The following SHISA6 variants were observed in gnomAD, a reference collection of about 807,000 sequenced individuals.
SHISA6 encodes shisa family member 6.
Under a neutral mutation model 47.9 loss-of-function variants are expected in SHISA6, and 22 were observed. The ratio of observed to expected loss-of-function variants is 0.46; its 90% CI spans 0.33 to 0.66. The LOEUF is 0.66. Among genes scored for constraint, SHISA6 ranks in the 30% least tolerant of loss-of-function variants. The pLI, the probability that SHISA6 is intolerant of heterozygous loss-of-function variation, is 0.02. For synonymous variants in SHISA6, 388 were observed against 337.8 expected, an observed-to-expected ratio of 1.15 and a Z score of -1.63; for missense variants, 680 against 764.6, an observed-to-expected ratio of 0.89 and a Z score of 1.30.
intron 2 of SHISA6, among the ~76,000 whole-genome samples, chr17:11,339,434 T>C (rs201002362): frequency 8.1e-4 from 117 of 144,474 alleles, no homozygotes; most frequent in Non-Finnish European, 1.4e-3. Context: ...ACACCCCCCC[T>C]CCTTTTTGGT....
intron 2 of SHISA6, among the ~76,000 whole-genome samples, chr17:11,319,425 C>G (rs1910638588): frequency 6.6e-6 from 1 of 152,154 alleles, no homozygotes; most frequent in Non-Finnish European, 1.5e-5. Context: ...GTGTAATAGT[C>G]TCTCAAAGGT....
chr17:11,291,153 G>A (rs1177258468), intron 2 of SHISA6, among the ~76,000 whole-genome samples: 3 of 152,026 alleles, frequency 2.0e-5, no homozygotes, highest in African/African-American at 7.3e-5. Context: ...CTGCCCTTAG[G>A]GAGTGAGAGT....
At chr17:11,492,917 T>A (rs2071376778) in intron 3 of SHISA6, among the ~76,000 whole-genome samples, 1 of 152,200 alleles carries the variant, frequency 6.6e-6, no homozygotes, top group South Asian at 2.1e-4. Context: ...CCCTCCCCTG[T>A]CCCACAGTCT....
intron 3 of SHISA6, among the ~76,000 whole-genome samples, chr17:11,512,046 T>C (rs1266428587): frequency 6.6e-6 from 1 of 152,244 alleles, no homozygotes; most frequent in Non-Finnish European, 1.5e-5. Flanking sequence ...CTTTGGTAAA[T>C]GAATTGGATT....
chr17:11,526,717 T>C (rs1192406793), intron 3 of SHISA6, among the ~76,000 whole-genome samples: 1 of 152,068 alleles, frequency 6.6e-6, no homozygotes, highest in Non-Finnish European at 1.5e-5. Context: ...AGCATTTTGC[T>C]GAAGCATTTT....
In SHISA6 at chr17:11,464,680, C is replaced by T. The variant is rs189328326; in HGVS notation, c.895+85171C>T. Among the ~76,000 whole-genome samples, 229 of 152,326 alleles carry T rather than the reference C, an allele frequency of 1.5e-3. 1 individual carries two copies. Among genetic ancestry groups the T allele is most frequent in the African/African-American group, 5.3e-3 (219 of 41,582 alleles). ...ATCCCTGGCCGGGCACGGTGGCTCA[C>T]GCCTGTAATCCCAGCACTTTGGGAG... On this transcript the variant is annotated intron_variant, in intron 3 of 5. Transcript: ENST00000441885.
intron 3 of SHISA6, among the ~76,000 whole-genome samples, chr17:11,481,319 C>G (rs1433607751): frequency 7.1e-6 from 1 of 140,860 alleles, no homozygotes; most frequent in Non-Finnish European, 1.5e-5. Context: ...AGCGAGACAC[C>G]CTCTCAAAAA....
chr17:11,512,534 T>C (rs956803663), intron 3 of SHISA6, among the ~76,000 whole-genome samples: 3 of 152,216 alleles, frequency 2.0e-5, no homozygotes, highest in Admixed American at 6.5e-5. Context: ...GTATTTCAAA[T>C]TGAATTTTTT....
chr17:11,384,796 T>A (rs191446229), intron 3 of SHISA6, among the ~76,000 whole-genome samples: 14 of 152,222 alleles, frequency 9.2e-5, no homozygotes, highest in African/African-American at 2.6e-4. Flanking sequence ...TCTGCCATGC[T>A]GGGAGCCAGA....
chr17:11,469,315 C>T (rs1403507957), intron 3 of SHISA6, among the ~76,000 whole-genome samples: 3 of 152,028 alleles, frequency 2.0e-5, no homozygotes, highest in Admixed American at 6.6e-5. Context: ...TTGGAAGATG[C>T]CTGAAGATGG....
intron 3 of SHISA6, among the ~76,000 whole-genome samples, chr17:11,528,848 T>C (rs1385410557): frequency 1.3e-5 from 2 of 152,184 alleles, no homozygotes; most frequent in Non-Finnish European, 2.9e-5. Flanking sequence ...TATTTTGAGA[T>C]GCTTTTCCAG....
At chr17:11,368,623 T>G (rs1912530024) in intron 2 of SHISA6, among the ~76,000 whole-genome samples, 1 of 152,092 alleles carries the variant, frequency 6.6e-6, no homozygotes, top group Non-Finnish European at 1.5e-5. Flanking sequence ...TTATATGAAT[T>G]GTTGGGGTTT....
chr17:11,364,218 G>GA (rs1912374797), intron 2 of SHISA6, among the ~76,000 whole-genome samples: 1 of 151,824 alleles, frequency 6.6e-6, no homozygotes, highest in African/African-American at 2.4e-5. Flanking sequence ...CCAGCACCTA[G>GA]AAAAAAAATA....
At chr17:11,426,641 T>C (rs1260945269) in intron 3 of SHISA6, among the ~76,000 whole-genome samples, 1 of 152,244 alleles carries the variant, frequency 6.6e-6, no homozygotes, top group African/African-American at 2.4e-5. Context: ...TATTTATTTT[T>C]GAACCACTCT....
intron 1 of SHISA6, among the ~76,000 whole-genome samples, chr17:11,259,579 A>G (rs1418997535): frequency 6.6e-6 from 1 of 152,238 alleles, no homozygotes; most frequent in East Asian, 1.9e-4. Flanking sequence ...AACACGTTAA[A>G]ATGTTGACTG....
At chr17:11,427,516 A>T (rs776830100) in intron 3 of SHISA6, among the ~76,000 whole-genome samples, 4 of 151,896 alleles carry the variant, frequency 2.6e-5, no homozygotes, top group Non-Finnish European at 4.4e-5. Context: ...TTCCATCCCA[A>T]ACCATTATAC....
intron 3 of SHISA6, among the ~76,000 whole-genome samples, chr17:11,474,799 C>T (rs1333216349): frequency 6.6e-6 from 1 of 150,980 alleles, no homozygotes; most frequent in Non-Finnish European, 1.5e-5. Flanking sequence ...TGTTCTACTT[C>T]AGTACTGTGT....
intron 3 of SHISA6, among the ~76,000 whole-genome samples, chr17:11,412,545 CTTTT>C (rs34149055): frequency 1.0e-4 from 12 of 117,160 alleles, no homozygotes; most frequent in African/African-American, 2.5e-4. Context: ...TAGACTTCTT[CTTTT>C]TTTTTTTTCT....
chr17:11,526,112 C>CCT (rs2071679111), intron 3 of SHISA6, among the ~76,000 whole-genome samples: 1 of 137,856 alleles, frequency 7.3e-6, no homozygotes, highest in Admixed American at 7.2e-5. Context: ...CCAAGGGGAC[C>CCT]CCCCCCCGCT....
Sources: allele counts gnomAD v4.1 joint callset (sites outside exome capture counted in the v4.1 genomes callset), GRCh38; gene constraint gnomAD v4.1.1; transcripts MANE v1.5; gene names NCBI Gene and HGNC (gene_info 2026-07-23, HGNC 2026-07-21).